TMEM265: variants seen among roughly 807,000 people sequenced by gnomAD.
TMEM265 encodes the protein transmembrane protein 265.
Under a neutral mutation model 9.5 loss-of-function variants are expected in TMEM265, and 8 were observed. The ratio of observed to expected loss-of-function variants is 0.84; its 90% confidence interval spans 0.49 to 1.52. The LOEUF is 1.52. Among genes scored for constraint, TMEM265 ranks in the 40% most tolerant of loss-of-function variants. TMEM265 has a pLI of 0.00. For synonymous variants in TMEM265, 53 were observed against 56.9 expected (o/e 0.93, Z 0.31); for missense variants, 152 against 146.2 (o/e 1.04, Z -0.21).
At position 30,743,847 on chromosome 16, in the gene TMEM265, A is replaced by G. The variant is rs754119302; in HGVS notation, c.231A>G (p.Lys77=). The G allele has an allele frequency of 2.5e-5, 38 of 1,533,428 alleles. No individual in the cohort carries two copies. In the South Asian group the frequency reaches 4.2e-4, roughly 17 times the overall value. The allele number at this position is 1,533,428 out of a possible 1,614,324, so 95.0% of individuals were successfully genotyped here. A position where few individuals can be genotyped will look rare whatever the true frequency, so the allele number is the denominator to read the frequency against. Residue 77 remains lysine, a synonymous_variant, in exon 3 of 3, where the codon AAA becomes AAG. Coordinates refer to ENST00000615541, the MANE Select transcript of TMEM265 (RefSeq NM_001256829.2). Reference sequence around the variant, plus strand: ...TGCGCTGGGGGGCCCGGGCCCGGAAACTCATCCTGGCCAGCTTTGCTGTCT... The same window carrying G: ...TGCGCTGGGGGGCCCGGGCCCGGAAGCTCATCCTGGCCAGCTTTGCTGTCT... ...EAVRWGARAR[K]LILASFAVWL...
rs2053227382 is a variant in TMEM265 at position 30,741,743 on chromosome 16, G to A, written c.-1G>A. On this transcript the variant is annotated splice_region_variant and 5_prime_UTR_variant, in exon 2 of 3. Transcript: ENST00000615541. ...AGTACCTTGACTATCGCCCACAGGT[G>A]ATGGAGGACGAGGAGAAGGCAGTGG... 1.3e-6 allele frequency: 2 copies of A among 1,533,338 alleles called. No homozygotes were observed. Among genetic ancestry groups the A allele is most frequent in the African/African-American group, 1.4e-5 (1 of 72,968 alleles). 95.0% of individuals were successfully genotyped at this position (1,533,338 alleles called of 1,614,324 possible).
At chr16:30,740,859 G>A (rs1044198819) in intron 1 of TMEM265, 152 bp downstream of exon 1, 2 of 152,196 alleles carry the variant, frequency 1.3e-5, no homozygotes, top group African/African-American at 4.8e-5. Flanking sequence ...CTCTCTACTT[G>A]TCTCGCCCCT....
intron 1 of TMEM265, 27 bp from the exon 2 acceptor site, chr16:30,741,714 C>T: frequency 6.6e-7 from 1 of 1,523,756 alleles, no homozygotes; most frequent in Non-Finnish European, 8.8e-7. Context: ...TTGTTGGGCT[C>T]ACAAGTACCT....
intron 1 of TMEM265, 61 bp from the exon 2 acceptor site, chr16:30,741,680 G>A: frequency 6.8e-7 from 1 of 1,478,114 alleles, no homozygotes; most frequent in East Asian, 2.5e-5. Context: ...GGTGGAGTCT[G>A]AGCAAGCAAG....
At chr16:30,743,168 C>T (rs1030274464) in intron 2 of TMEM265, among the ~76,000 whole-genome samples, 1 of 152,016 alleles carries the variant, frequency 6.6e-6, no homozygotes, top group South Asian at 2.1e-4. Context: ...GGGCAGATCA[C>T]TTGAGGTCAG....
intron 2 of TMEM265, among the ~76,000 whole-genome samples, chr16:30,742,450 T>C (rs1228539215): frequency 1.3e-5 from 2 of 152,174 alleles, no homozygotes; most frequent in African/African-American, 4.8e-5. Flanking sequence ...GAATGGCTCC[T>C]GCAGGGGAAA....
chr16:30,745,072 C>T lies in TMEM265; in HGVS notation c.*1129C>T, dbSNP rs2053248648. The T allele has an allele frequency of 2.0e-5, 3 of 152,216 alleles. No homozygotes were observed. Among genetic ancestry groups the T allele is most frequent in the African/African-American group, 2.4e-5 (1 of 41,446 alleles). The allele number at this position is 152,216 out of a possible 1,614,324, so 9.4% of individuals were successfully genotyped here. On this transcript the variant is annotated 3_prime_UTR_variant, in exon 3 of 3. Transcript: ENST00000615541. ...CCCAATCACTGCTACTTCCTTTCTT[C>T]CCACAGGTAACCACCATTCTGACTT...
intron 2 of TMEM265, 146 bp downstream of exon 2, chr16:30,742,054 C>T (rs558599264): frequency 1.1e-4 from 93 of 858,544 alleles, no homozygotes; most frequent in East Asian, 4.6e-4. Flanking sequence ...GGTTCCTTGT[C>T]GTCAGAGGAC....
chr16:30,741,663 TGA>T (rs1283031581), intron 1 of TMEM265, 76 bp from the exon 2 acceptor site: 14 of 1,418,882 alleles, frequency 9.9e-6, no homozygotes, highest in East Asian at 7.5e-5. Flanking sequence ...CAGAATGCTC[TGA>T]GAGGGGTGGA....
Position 30,744,025 on chromosome 16 carries a change from G to A in TMEM265, c.*82G>A, listed in dbSNP as rs2053241607. ...ATTGCTAAGGTCCTGTGACAGCAGT[G>A]GTTGGAAGGATCCTGGTTGGAAGGA... On this transcript the variant is annotated 3_prime_UTR_variant, in exon 3 of 3. Transcript: ENST00000615541. 1 of 1,432,870 alleles carries A rather than the reference G, an allele frequency of 7.0e-7. No individual in the cohort carries two copies. The highest frequency in any genetic ancestry group is 9.3e-7 in the Non-Finnish European group (1 of 1,079,390). The allele number at this position is 1,432,870 out of a possible 1,614,324, so 88.8% of individuals were successfully genotyped here. A position where few individuals can be genotyped will look rare whatever the true frequency, so the allele number is the denominator to read the frequency against.
chr16:30,743,684 G>C, intron 2 of TMEM265, 98 bp from the exon 3 acceptor site: 3 of 1,376,092 alleles, frequency 2.2e-6, no homozygotes, highest in Non-Finnish European at 1.9e-6. Context: ...TTGGATGTGA[G>C]ATTTTGATCC....
In TMEM265 at chr16:30,744,102, G is replaced by A. The variant is rs2053242068; in HGVS notation, c.*159G>A. Reference sequence around the variant, plus strand: ...AGAGCTCTTCTAGCCCTTTATAAAAGGAGGGCAGCAGCTGAGACTGATGAG... The same window carrying A: ...AGAGCTCTTCTAGCCCTTTATAAAAAGAGGGCAGCAGCTGAGACTGATGAG... On this transcript the variant is annotated 3_prime_UTR_variant, in exon 3 of 3. Coordinates refer to ENST00000615541, the MANE Select transcript of TMEM265 (RefSeq NM_001256829.2). 3.6e-6 allele frequency: 3 copies of A among 844,384 alleles called. No individual in the cohort carries two copies. The highest frequency in any genetic ancestry group is 5.2e-6 in the Non-Finnish European group (3 of 575,198). 52.3% of individuals were successfully genotyped at this position (844,384 alleles called of 1,614,324 possible). A position where few individuals can be genotyped will look rare whatever the true frequency, so the allele number is the denominator to read the frequency against.
chr16:30,741,182 C>G (rs1035725857), intron 1 of TMEM265: 1 of 152,200 alleles, frequency 6.6e-6, no homozygotes, highest in Admixed American at 6.5e-5. Flanking sequence ...TAAAGTCTTT[C>G]TGATGTTTGG....
In TMEM265 at chr16:30,743,880, T is replaced by A. The variant is rs757669551; in HGVS notation, c.264T>A (p.Ala88=). The stretch of plus-strand genomic sequence containing the variant: ...TGGCCAGCTTTGCTGTCTGGCTTGC[T>A]GTCCTCATTCTGGGTCCCCTGCTGC... The part of the protein sequence containing the change: ...LILASFAVWL[A]VLILGPLLLW... The change falls in exon 3 of 3, where the codon GCT becomes GCA. Residue 88 remains alanine (A), a synonymous_variant. Coordinates refer to ENST00000615541, the MANE Select transcript of TMEM265 (RefSeq NM_001256829.2). The A allele has an allele frequency of 2.0e-6, 3 of 1,534,010 alleles. No homozygotes were observed. In the South Asian group the frequency reaches 3.6e-5, roughly 18 times the overall value.
chr16:30,742,203 A>G (rs2053230982), intron 2 of TMEM265, among the ~76,000 whole-genome samples: 1 of 152,182 alleles, frequency 6.6e-6, no homozygotes, highest in Admixed American at 6.6e-5. Context: ...TGTATATGGT[A>G]GAATAGGTGA....
Position 30,744,759 on chromosome 16 carries a change from C to G in TMEM265, c.*816C>G, listed in dbSNP as rs907586500. On this transcript the variant is annotated 3_prime_UTR_variant, in exon 3 of 3. Coordinates refer to ENST00000615541, the MANE Select transcript of TMEM265 (RefSeq NM_001256829.2). The stretch of plus-strand genomic sequence containing the variant: ...CAGCTACTAAATGGTAGAGCTGAGA[C>G]TGAACCCAGACAGTTTGGTTCCAGA... The G allele has an allele frequency of 3.3e-5, 5 of 152,314 alleles. No individual in the cohort carries two copies. The East Asian group carries it at 9.6e-4, about 29-fold the overall frequency. 9.4% of individuals were successfully genotyped at this position (152,314 alleles called of 1,614,324 possible).
Position 30,744,019 on chromosome 16 carries a change from AG to A in TMEM265, c.*77del. 1 of 1,455,544 alleles carries A rather than the reference AG, an allele frequency of 6.9e-7. No individual in the cohort carries two copies. The highest frequency in any genetic ancestry group is 1.3e-5 in the South Asian group (1 of 75,200). The allele number at this position is 1,455,544 out of a possible 1,614,324, so 90.2% of individuals were successfully genotyped here. ...TGCGGCATTGCTAAGGTCCTGTGAC[AG>A]CAGTGGTTGGAAGGATCCTGGTTGG... On this transcript the variant is annotated 3_prime_UTR_variant, in exon 3 of 3. Coordinates refer to ENST00000615541, the MANE Select transcript of TMEM265 (RefSeq NM_001256829.2).
chr16:30,741,597 C>A, intron 1 of TMEM265, 144 bp from the exon 2 acceptor site: 1 of 851,328 alleles, frequency 1.2e-6, no homozygotes, highest in Non-Finnish European at 1.7e-6. Context: ...CTGTGAGTCA[C>A]TAGAGGAATT....
chr16:30,741,435 CCTT>C (rs1259749905), intron 1 of TMEM265: 11 of 276,120 alleles, frequency 4.0e-5, no homozygotes, highest in East Asian at 2.0e-4. Flanking sequence ...TATTTTTCCT[CCTT>C]CTCGGTGTGC....
Sources: gnomAD v4.1 joint callset for allele counts (sites outside exome capture counted in the v4.1 genomes callset) on GRCh38, gnomAD v4.1.1 for gene constraint, MANE v1.5 for transcripts, NCBI Gene and HGNC (gene_info 2026-07-23, HGNC 2026-07-21) for gene names.